PLCB1: variants seen among roughly 807,000 people sequenced by gnomAD.
PLCB1 encodes the protein phospholipase C beta 1, also known as 1-phosphatidylinositol 4,5-bisphosphate phosphodiesterase beta-1.
In PLCB1, 46 loss-of-function variants were observed where a neutral mutation model predicts 161.8. That is an observed-to-expected ratio of 0.28 (90% CI 0.22 to 0.36). The LOEUF (loss-of-function observed/expected upper bound fraction) is 0.36. PLCB1 is among the 10% of genes least tolerant of loss of function. PLCB1 has a pLI of 1.00. For synonymous variants in PLCB1, 517 were observed against 503.7 expected, an observed-to-expected ratio of 1.03 and a Z score of -0.35; for missense variants, 1,016 against 1,472.5, an observed-to-expected ratio of 0.69 and a Z score of 5.07.
At chr20:8,235,265 T>C (rs1980261469) in intron 2 of PLCB1, among the ~76,000 whole-genome samples, 1 of 152,168 alleles carries the variant, frequency 6.6e-6, no homozygotes, top group African/African-American at 2.4e-5. Context: ...ATTCCATTTC[T>C]AAAGCATGTT....
chr20:8,366,612 T>C (rs1220290361), intron 2 of PLCB1, among the ~76,000 whole-genome samples: 1 of 152,202 alleles, frequency 6.6e-6, no homozygotes, highest in Non-Finnish European at 1.5e-5. Flanking sequence ...TTAATTCACT[T>C]TTATCCATGC....
intron 3 of PLCB1, among the ~76,000 whole-genome samples, chr20:8,500,864 G>A (rs1983375666): frequency 6.6e-6 from 1 of 152,144 alleles, no homozygotes; most frequent in Non-Finnish European, 1.5e-5. Flanking sequence ...AGATTTATGA[G>A]GAAGGTCCTA....
chr20:8,327,009 C>T (rs1275493746), intron 2 of PLCB1, among the ~76,000 whole-genome samples: 11 of 152,190 alleles, frequency 7.2e-5, no homozygotes, highest in Non-Finnish European at 2.9e-5. Flanking sequence ...CCTCAGCCTC[C>T]TGAGTAGCTG....
chr20:8,732,892 A>G (rs1327503634), intron 18 of PLCB1, among the ~76,000 whole-genome samples: 1 of 147,352 alleles, frequency 6.8e-6, no homozygotes, highest in Non-Finnish European at 1.5e-5. Context: ...AATATTTAAC[A>G]TATATTATAC....
intron 31 of PLCB1, among the ~76,000 whole-genome samples, chr20:8,863,810 C>T (rs1376011607): frequency 2.0e-5 from 3 of 152,146 alleles, no homozygotes; most frequent in East Asian, 1.9e-4. Flanking sequence ...AGGCAAACCA[C>T]ACAAAGTTGG....
At chr20:8,792,511 G>A (rs1983808470) in intron 31 of PLCB1, 1 of 469,252 alleles carries the variant, frequency 2.1e-6, no homozygotes, top group Non-Finnish European at 4.4e-6. Context: ...TTCCTTTCTG[G>A]CCCCTTGGAA....
intron 12 of PLCB1, among the ~76,000 whole-genome samples, chr20:8,710,335 T>A (rs544638765): frequency 7.9e-5 from 12 of 151,926 alleles, no homozygotes; most frequent in African/African-American, 2.9e-4. Flanking sequence ...GGAATGGTGT[T>A]ACACCATAAG....
intron 28 of PLCB1, 45 bp downstream of exon 28, chr20:8,788,570 A>T (rs765358962): frequency 6.3e-7 from 1 of 1,596,268 alleles, no homozygotes; most frequent in East Asian, 2.2e-5. Context: ...ATCTGAATTT[A>T]TTCAACACAA....
At chr20:8,769,598 G>T (rs1045367987) in intron 26 of PLCB1, among the ~76,000 whole-genome samples, 11 of 152,188 alleles carry the variant, frequency 7.2e-5, no homozygotes, top group Non-Finnish European at 1.5e-4. Flanking sequence ...AGAATTGGTT[G>T]TACATTTACT....
intron 3 of PLCB1, among the ~76,000 whole-genome samples, chr20:8,526,852 A>T (rs1984604558): frequency 6.6e-6 from 1 of 152,092 alleles, no homozygotes; most frequent in Admixed American, 6.6e-5. Flanking sequence ...GAGGGCAGCT[A>T]ATGCAAAAAA....
chr20:8,839,797 G>A (rs145463622), intron 31 of PLCB1, among the ~76,000 whole-genome samples: 4 of 150,738 alleles, frequency 2.7e-5, no homozygotes, highest in East Asian at 2.0e-4. Context: ...TTGGGAGGCC[G>A]AGGCAGGTGG....
At chr20:8,813,910 A>G (rs1277960523) in intron 31 of PLCB1, among the ~76,000 whole-genome samples, 2 of 152,158 alleles carry the variant, frequency 1.3e-5, no homozygotes, top group Non-Finnish European at 2.9e-5. Context: ...TGGTATTTCA[A>G]TTGATTTTTC....
intron 2 of PLCB1, among the ~76,000 whole-genome samples, chr20:8,305,027 G>A (rs1482434875): frequency 6.6e-6 from 1 of 152,164 alleles, no homozygotes; most frequent in Non-Finnish European, 1.5e-5. Context: ...AGGAACTATA[G>A]ATTAGTTGGT....
chr20:8,459,437 G>T (rs1981473228), intron 3 of PLCB1, among the ~76,000 whole-genome samples: 1 of 152,096 alleles, frequency 6.6e-6, no homozygotes, highest in Non-Finnish European at 1.5e-5. Context: ...ATGTATTGCT[G>T]CTGCCTTTAT....
chr20:8,866,550 A>C (rs1987435328), intron 31 of PLCB1, among the ~76,000 whole-genome samples: 1 of 152,208 alleles, frequency 6.6e-6, no homozygotes, highest in South Asian at 2.1e-4. Flanking sequence ...AGAAGGTTTA[A>C]CACAAAATCC....
At chr20:8,448,589 G>A (rs1175375181) in intron 3 of PLCB1, among the ~76,000 whole-genome samples, 1 of 152,140 alleles carries the variant, frequency 6.6e-6, no homozygotes, top group African/African-American at 2.4e-5. Flanking sequence ...CAACACCAGG[G>A]TTCCTTTTGG....
At chr20:8,868,699 T>C in intron 31 of PLCB1, among the ~76,000 whole-genome samples, 1 of 152,214 alleles carries the variant, frequency 6.6e-6, no homozygotes, top group East Asian at 1.9e-4. Context: ...TGGCACCATC[T>C]TGGCTCACTT....
chr20:8,523,405 T>C (rs896011578), intron 3 of PLCB1, among the ~76,000 whole-genome samples: 17 of 105,428 alleles, frequency 1.6e-4, no homozygotes, highest in African/African-American at 8.1e-4. Flanking sequence ...AATATGTGTG[T>C]GTGTGTGTGT....
At chr20:8,497,044 T>C (rs550118953) in intron 3 of PLCB1, among the ~76,000 whole-genome samples, 4 of 152,216 alleles carry the variant, frequency 2.6e-5, no homozygotes, top group Non-Finnish European at 4.4e-5. Context: ...CATAAAATTT[T>C]AAGACTGTTA....
Sources: allele counts gnomAD v4.1 joint callset (sites outside exome capture counted in the v4.1 genomes callset), GRCh38; gene constraint gnomAD v4.1.1; transcripts MANE v1.5; gene names NCBI Gene and HGNC (gene_info 2026-07-23, HGNC 2026-07-21).